NANOS3: variants seen among roughly 807,000 people sequenced by gnomAD.
The protein encoded by NANOS3 is nanos homolog 3.
Under a neutral mutation model 13.8 loss-of-function variants are expected in NANOS3, and 11 were observed. The observed-to-expected ratio is 0.80, with a 90% CI of 0.50 to 1.32. The LOEUF is 1.32. Among genes scored for constraint, NANOS3 ranks in the 40% most tolerant of loss-of-function variants. The pLI is 0.00. For synonymous variants in NANOS3, 119 were observed against 115.4 expected (o/e 1.03, Z -0.20); for missense variants, 221 against 263.8 (o/e 0.84, Z 1.12).
upstream of NANOS3, chr19:13,874,682 C>T (rs773041496): frequency 7.6e-6 from 4 of 527,718 alleles, no homozygotes; most frequent in Non-Finnish European, 1.6e-5. Context: ...ACCTACCCCA[C>T]CCCCGACTCC....
rs1285734424 is a variant in NANOS3, at chr19:13,880,579, C to T, written c.*76C>T. On this transcript the variant is annotated 3_prime_UTR_variant, in exon 2 of 2. Coordinates refer to ENST00000339133, the MANE Select transcript of NANOS3 (RefSeq NM_001098622.3). ...GAAGACCCACCCTATGACGACTGCC[C>T]CCACTCCCAGACCCTCCCCCCAGCC... 6 of 1,273,706 alleles carry T rather than the reference C, an allele frequency of 4.7e-6. No individual in the cohort carries two copies. The African/African-American group carries it at 8.8e-5, about 19-fold the overall frequency. The allele number at this position is 1,273,706 out of a possible 1,614,324, so 78.9% of individuals were successfully genotyped here. A position where few individuals can be genotyped will look rare whatever the true frequency, so the allele number is the denominator to read the frequency against.
At chr19:13,874,185 A>G (rs1243423129), upstream of NANOS3, among the ~76,000 whole-genome samples, 1 of 151,278 alleles carries the variant, frequency 6.6e-6, no homozygotes, top group African/African-American at 2.4e-5. Flanking sequence ...ACGACCCCCC[A>G]CCCCCAAGCG....
chr19:13,871,335 A>G (rs12462934), intron 1 of NANOS3, among the ~76,000 whole-genome samples: 4 of 152,196 alleles, frequency 2.6e-5, no homozygotes, highest in Non-Finnish European at 2.9e-5. Context: ...AGTCCGACCC[A>G]GACAGACGAC....
chr19:13,866,727 CAA>C (rs2145064362), intron 1 of NANOS3, among the ~76,000 whole-genome samples: 1 of 152,284 alleles, frequency 6.6e-6, no homozygotes, highest in South Asian at 2.1e-4. Context: ...GTAGCAATGA[CAA>C]ACGCAGATCC....
intron 1 of NANOS3, among the ~76,000 whole-genome samples, chr19:13,870,822 T>G (rs1383211664): frequency 6.6e-6 from 1 of 151,558 alleles, no homozygotes; most frequent in Non-Finnish European, 1.5e-5. Context: ...TCAACTGATC[T>G]GCCCGCCTCG....
upstream of NANOS3, among the ~76,000 whole-genome samples, chr19:13,874,235 G>A (rs567023554): frequency 1.3e-5 from 2 of 152,220 alleles, no homozygotes; most frequent in South Asian, 2.1e-4. Context: ...CATCGTGCCC[G>A]GAACTCAGTG....
At chr19:13,870,525 T>TG (rs1324001943) in intron 1 of NANOS3, among the ~76,000 whole-genome samples, 5 of 141,068 alleles carry the variant, frequency 3.5e-5, no homozygotes, top group Non-Finnish European at 6.2e-5. Flanking sequence ...GTGCTATGTG[T>TG]GGGGGGGTGG....
Position 13,880,645 on chromosome 19 carries a change from A to T in NANOS3, c.*142A>T. ...GGGATGACCCGGGGTTGGCAAGGGA[A>T]GAGCTGAAATCGCCCTGTCCTTGGG... On this transcript the variant is annotated 3_prime_UTR_variant, in exon 2 of 2. Transcript: ENST00000339133. The T allele has an allele frequency of 1.4e-6, 1 of 714,958 alleles. No individual in the cohort carries two copies. The highest frequency in any genetic ancestry group is 2.4e-6 in the Non-Finnish European group (1 of 416,304). 44.3% of individuals were successfully genotyped at this position (714,958 alleles called of 1,614,324 possible). A position where few individuals can be genotyped will look rare whatever the true frequency, so the allele number is the denominator to read the frequency against.
chr19:13,874,492 T>G (rs1013072306), upstream of NANOS3, among the ~76,000 whole-genome samples: 1 of 152,250 alleles, frequency 6.6e-6, no homozygotes, highest in Admixed American at 6.5e-5. Context: ...TCCCCTGCAC[T>G]GCTACATCTC....
chr19:13,877,622 G>T lies in NANOS3; in HGVS notation c.374G>T (p.Arg125Leu). Residue 125 changes from arginine (R) to leucine (L), a missense_variant, in exon 1 of 2, where the codon CGA becomes CTA. Physicochemically the swap from Arg to Leu is moderately radical, Grantham distance 102. Around this residue, in one of 3 missense-constraint regions of NANOS3, gnomAD observed 49 missense variants for 91.0 expected, o/e 0.54. Transcript: ENST00000339133. ...CGATRERAHT[R>L]RFCPLTGQGY... Reference sequence around the variant, plus strand: ...GCCACACGTGAGCGCGCCCACACCCGACGCTTCTGCCCACTTACTGGCCAG... The same window carrying T: ...GCCACACGTGAGCGCGCCCACACCCTACGCTTCTGCCCACTTACTGGCCAG... The T allele has an allele frequency of 6.2e-7, 1 of 1,612,178 alleles. No individual in the cohort carries two copies. The highest frequency in any genetic ancestry group is 8.5e-7 in the Non-Finnish European group (1 of 1,179,998).
chr19:13,862,457 A>G (rs1312219555), upstream of NANOS3, among the ~76,000 whole-genome samples: 7 of 151,914 alleles, frequency 4.6e-5, no homozygotes. Flanking sequence ...AAATTCAGCG[A>G]GCAGGACAGC....
In NANOS3 at chr19:13,877,744, C is replaced by CGAGGAGGAG. The variant is rs148122339; in HGVS notation, c.506_514dup (p.Gly169_Gly171dup). The CGAGGAGGAG allele has an allele frequency of 6.4e-7, 1 of 1,564,360 alleles. No individual in the cohort carries two copies. The highest frequency in any genetic ancestry group is 1.4e-5 in the African/African-American group (1 of 73,564). Reference sequence around the variant, plus strand: ...GAAGACACAGGACACAGGCCACCGCCGAGGAGGAGGAGGAGGAGCAGGTGC... The same window carrying CGAGGAGGAG: ...GAAGACACAGGACACAGGCCACCGCCGAGGAGGAGGAGGAGGAGGAGGAGGAGCAGGTGC... On this transcript the variant is annotated inframe_insertion, in exon 1 of 2. Transcript: ENST00000339133.
upstream of NANOS3, among the ~76,000 whole-genome samples, chr19:13,875,839 T>A (rs1217861845): frequency 6.6e-6 from 1 of 152,134 alleles, no homozygotes; most frequent in African/African-American, 2.4e-5. Flanking sequence ...AATAAAAGTT[T>A]CTTAAATGAA....
Position 13,880,512 on chromosome 19 carries a change from C to G in NANOS3, c.*9C>G, listed in dbSNP as rs767864274. 10 of 1,613,056 alleles carry G rather than the reference C, an allele frequency of 6.2e-6. No homozygotes were observed. Among genetic ancestry groups the G allele is most frequent in the Non-Finnish European group, 8.5e-6 (10 of 1,179,396 alleles). On this transcript the variant is annotated 3_prime_UTR_variant, in exon 2 of 2. Coordinates refer to ENST00000339133, the MANE Select transcript of NANOS3 (RefSeq NM_001098622.3). Reference sequence around the variant, plus strand: ...CCTCCATGTCCACCTAGGAGGCTGCCTACACCTGGGCAAGGGCACCCGGGC... The same window carrying G: ...CCTCCATGTCCACCTAGGAGGCTGCGTACACCTGGGCAAGGGCACCCGGGC...
intron 1 of NANOS3, among the ~76,000 whole-genome samples, chr19:13,872,104 A>G (rs1033007118): frequency 6.6e-6 from 1 of 152,128 alleles, no homozygotes; most frequent in African/African-American, 2.4e-5. Flanking sequence ...GCCGTGGTTC[A>G]TGCCTGTAAT....
chr19:13,877,925 C>G (rs1483185755), intron 1 of NANOS3, among the ~76,000 whole-genome samples, 160 bp downstream of exon 1: 1 of 152,182 alleles, frequency 6.6e-6, no homozygotes, highest in African/African-American at 2.4e-5. Context: ...ATTTATTTAT[C>G]TTGAGACAGG....
chr19:13,869,073 T>G (rs10445632), intron 1 of NANOS3, among the ~76,000 whole-genome samples: 73,143 of 151,968 alleles, frequency 0.48, 19,963 homozygotes, highest in East Asian at 0.61. Context: ...CATAGAAACA[T>G]CCTACAAGAG....
At chr19:13,870,054 A>ATTTT (rs112665118) in intron 1 of NANOS3, among the ~76,000 whole-genome samples, 1 of 144,592 alleles carries the variant, frequency 6.9e-6, no homozygotes, top group Non-Finnish European at 1.5e-5. Flanking sequence ...TTCTTCAACT[A>ATTTT]TTTTTTTTTT....
At chr19:13,872,838 G>A (rs773526881), upstream of NANOS3, among the ~76,000 whole-genome samples, 10 of 152,210 alleles carry the variant, frequency 6.6e-5, no homozygotes, top group Non-Finnish European at 1.5e-4. Flanking sequence ...ACAGAGGGGT[G>A]GGAACGTGAC....
Sources: allele counts gnomAD v4.1 joint callset (sites outside exome capture counted in the v4.1 genomes callset), GRCh38; gene constraint gnomAD v4.1.1; regional missense constraint gnomAD v4.1.1; transcripts MANE v1.5; gene names NCBI Gene and HGNC (gene_info 2026-07-23, HGNC 2026-07-21).